Variants in BRINP1 observed in about 807,000 individuals in gnomAD.
BRINP1 encodes BMP/retinoic acid inducible neural specific 1, also known as BMP/retinoic acid-inducible neural-specific protein 1.
Under a neutral mutation model 72.9 loss-of-function variants are expected in BRINP1, and 17 were observed. The observed-to-expected ratio is 0.23, with a 90% CI of 0.16 to 0.35. The LOEUF is 0.35. Ranked by LOEUF, BRINP1 falls within the 10% of genes least tolerant of loss-of-function variation. The pLI, the probability that BRINP1 is intolerant of heterozygous loss-of-function variation, is 1.00. For missense variants in BRINP1, 850 were observed against 1,001.6 expected, an observed-to-expected ratio of 0.85 and a Z score of 2.04; for synonymous variants, 418 against 378.5, an observed-to-expected ratio of 1.10 and a Z score of -1.21.
chr9:119,195,674 G>A (rs373577821), intron 7 of BRINP1, among the ~76,000 whole-genome samples: 2 of 152,236 alleles, frequency 1.3e-5, no homozygotes, highest in African/African-American at 4.8e-5. Context: ...TTCTGCAGCT[G>A]CTGGTTAGCA....
intron 5 of BRINP1, among the ~76,000 whole-genome samples, chr9:119,221,573 G>A (rs983355334): frequency 2.0e-5 from 3 of 152,144 alleles, no homozygotes; most frequent in African/African-American, 7.2e-5. Context: ...TCTCCATGAT[G>A]GGTCATTTAC....
intron 3 of BRINP1, among the ~76,000 whole-genome samples, chr9:119,245,172 C>CAT (rs1307284970): frequency 1.3e-5 from 2 of 150,148 alleles, no homozygotes; most frequent in Non-Finnish European, 3.0e-5. Context: ...TACAAACGCT[C>CAT]ATATGCATGT....
At chr9:119,364,990 C>A (rs956863597) in intron 1 of BRINP1, among the ~76,000 whole-genome samples, 3 of 152,126 alleles carry the variant, frequency 2.0e-5, no homozygotes, top group Non-Finnish European at 4.4e-5. Context: ...ACAGGAAATG[C>A]AAGGGCAAAC....
rs1359711626 is a variant in BRINP1, at chr9:119,368,539, C to T, written c.-51+517G>A. Among the ~76,000 whole-genome samples the T allele has an allele frequency of 6.6e-6, 1 of 152,082 alleles. No individual in the cohort carries two copies. Among genetic ancestry groups the T allele is most frequent in the Non-Finnish European group, 1.5e-5 (1 of 68,022 alleles). ...AAGAGGAAGTCCACAGCGGGTTTCC[C>T]GGTGACTACGTGATCCTATAGTAAG... is the stretch of plus-strand genomic sequence containing the variant. On this transcript the variant is annotated intron_variant, in intron 1 of 7. Transcript: ENST00000265922. The surrounding 1 kb of genome is among the most constrained non-coding windows in gnomAD (Gnocchi z 4.7).
intron 1 of BRINP1, among the ~76,000 whole-genome samples, chr9:119,327,864 T>C (rs148286029): frequency 2.6e-5 from 4 of 152,158 alleles, no homozygotes; most frequent in Admixed American, 1.3e-4. Context: ...GAGGTGTCCA[T>C]TGACATTCAA....
chr9:119,245,616 AT>A (rs556485437), intron 3 of BRINP1, among the ~76,000 whole-genome samples: 339 of 152,272 alleles, frequency 2.2e-3, no homozygotes, highest in African/African-American at 7.7e-3. Flanking sequence ...GAAATCTCTT[AT>A]TTGTTGGCCC....
At chr9:119,300,569 T>G (rs545649815) in intron 2 of BRINP1, among the ~76,000 whole-genome samples, 23 of 152,290 alleles carry the variant, frequency 1.5e-4, no homozygotes, top group Admixed American at 1.0e-3. Context: ...TGTCCCACAG[T>G]GTCAGTCTCT....
rs1365677593 is a variant in BRINP1, at chr9:119,217,345, A to ACACACG, written c.686-3191_686-3190insCGTGTG. Among the ~76,000 whole-genome samples the ACACACG allele has an allele frequency of 1.6e-3, 241 of 152,102 alleles. 1 individual carries two copies. The highest frequency in any genetic ancestry group is 5.5e-3 in the African/African-American group (229 of 41,464). ...CAGACACACAGACACACACACACAC[A>ACACACG]CACGGAGAGAAAGAGAGAGAGAGAA... On this transcript the variant is annotated intron_variant, in intron 5 of 7. Coordinates refer to ENST00000265922, the MANE Select transcript of BRINP1 (RefSeq NM_014618.3).
At position 119,323,433 on chromosome 9, in the gene BRINP1, T is replaced by G. The variant is rs145117441; in HGVS notation, c.-50-10028A>C. Among the ~76,000 whole-genome samples, 11 of 152,192 alleles carry G rather than the reference T, an allele frequency of 7.2e-5. No homozygotes were observed. The East Asian group carries it at 2.1e-3, about 29-fold the overall frequency. ...GGGCCACCTACAAGGGAAAACTGGG[T>G]GAGGTTGCTTTCAATCCTGACCCAG... On this transcript the variant is annotated intron_variant, in intron 1 of 7. Coordinates refer to ENST00000265922, the MANE Select transcript of BRINP1 (RefSeq NM_014618.3).
intron 1 of BRINP1, among the ~76,000 whole-genome samples, chr9:119,355,931 CT>C (rs990146330): frequency 4.6e-5 from 7 of 151,416 alleles, no homozygotes; most frequent in East Asian, 1.9e-4. Context: ...GAAGGGGACA[CT>C]TTTTTTTTCC....
At chr9:119,183,926 G>A (rs752398137) in intron 7 of BRINP1, among the ~76,000 whole-genome samples, 3 of 152,150 alleles carry the variant, frequency 2.0e-5, no homozygotes, top group East Asian at 1.9e-4. Context: ...TTGGCAGGAC[G>A]TGGAGGGTGG....
chr9:119,365,373 A>T (rs1460410419), intron 1 of BRINP1, among the ~76,000 whole-genome samples: 3 of 152,236 alleles, frequency 2.0e-5, no homozygotes, highest in African/African-American at 7.2e-5. Context: ...TGTCTTCTTC[A>T]CATGACCTCC....
intron 3 of BRINP1, among the ~76,000 whole-genome samples, chr9:119,247,435 G>A (rs1265675131): frequency 2.0e-5 from 3 of 151,908 alleles, no homozygotes; most frequent in Admixed American, 2.0e-4. Context: ...GGCGGATCAC[G>A]AGGTCAGGAG....
chr9:119,349,412 A>G (rs536343503), intron 1 of BRINP1, among the ~76,000 whole-genome samples: 1 of 152,346 alleles, frequency 6.6e-6, no homozygotes, highest in South Asian at 2.1e-4. Context: ...ATTCCTTGCT[A>G]CAACTTAAGT....
In BRINP1 at chr9:119,207,473, C is replaced by T. The variant is rs181871109; in HGVS notation, c.1145+1246G>A. The stretch of plus-strand genomic sequence containing the variant: ...AATAGCTGGCATCTTGTCTCTCTTA[C>T]ATCAGAATTGCTAAGCCTGAGCACC... On this transcript the variant is annotated intron_variant, in intron 7 of 7. Transcript: ENST00000265922. Among the ~76,000 whole-genome samples the T allele has an allele frequency of 8.5e-5, 13 of 152,362 alleles. No individual in the cohort carries two copies. The East Asian group carries it at 2.5e-3, about 29-fold the overall frequency.
chr9:119,281,106 A>G lies in BRINP1; in HGVS notation c.219-31956T>C, dbSNP rs958831654. ...CCTGGAGGGCAAAGCCAGGGAGTCC[A>G]GCCAACCCTACTGACACTGGTTCTG... is the stretch of plus-strand genomic sequence containing the variant. On this transcript the variant is annotated intron_variant, in intron 2 of 7. Coordinates refer to ENST00000265922, the MANE Select transcript of BRINP1 (RefSeq NM_014618.3). 3.9e-5 allele frequency among the ~76,000 whole-genome samples: 6 copies of G among 152,346 alleles called. No individual in the cohort carries two copies. The East Asian group carries it at 1.2e-3, about 29-fold the overall frequency.
chr9:119,263,544 A>G (rs80310011), intron 2 of BRINP1, among the ~76,000 whole-genome samples: 13,241 of 131,514 alleles, frequency 0.1, 1,993 homozygotes, highest in African/African-American at 0.34. Context: ...GACTGTATCT[A>G]TTTTTCTCAT....
chr9:119,327,007 T>G (rs1438271514), intron 1 of BRINP1, among the ~76,000 whole-genome samples: 1 of 152,150 alleles, frequency 6.6e-6, no homozygotes, highest in African/African-American at 2.4e-5. Context: ...GAGTATGGAA[T>G]CTACAAACAT....
chr9:119,310,794 C>G (rs993561266), intron 2 of BRINP1, among the ~76,000 whole-genome samples: 1 of 152,152 alleles, frequency 6.6e-6, no homozygotes, highest in Non-Finnish European at 1.5e-5. Flanking sequence ...ACAATGGAAA[C>G]TGCCTATGGA....
Sources: allele counts gnomAD v4.1 joint callset (sites outside exome capture counted in the v4.1 genomes callset), GRCh38; gene constraint gnomAD v4.1.1; non-coding constraint Gnocchi (gnomAD v3.1); transcripts MANE v1.5; gene names NCBI Gene and HGNC (gene_info 2026-07-23, HGNC 2026-07-21).